The following KIAA1549L variants were observed in gnomAD, a reference collection of about 807,000 sequenced individuals.
KIAA1549L encodes the protein KIAA1549 like, also known as UPF0606 protein KIAA1549L.
Under a neutral mutation model 160.7 loss-of-function variants are expected in KIAA1549L, and 88 were observed. The ratio of observed to expected loss-of-function variants is 0.55; its 90% CI spans 0.46 to 0.65. KIAA1549L has a LOEUF of 0.65. Ranked by LOEUF, KIAA1549L falls within the 30% of genes least tolerant of loss-of-function variation. The pLI is 0.00. For missense variants in KIAA1549L, 2,258 were observed against 2,437.5 expected (o/e 0.93, Z 1.55); for synonymous variants, 950 against 976.7 (o/e 0.97, Z 0.51).
At chr11:33,422,398 G>C (rs751728427) in intron 1 of KIAA1549L, among the ~76,000 whole-genome samples, 90 of 151,974 alleles carry the variant, frequency 5.9e-4, no homozygotes, top group Non-Finnish European at 1.0e-3. Context: ...GCTGCACCAG[G>C]AGTGCTCCCT....
intron 14 of KIAA1549L, among the ~76,000 whole-genome samples, chr11:33,608,713 G>A (rs1447341054): frequency 6.6e-6 from 1 of 152,248 alleles, no homozygotes; most frequent in Non-Finnish European, 1.5e-5. Context: ...AAGAAGGAGA[G>A]CAAATCAGCA....
rs1194353287 is a variant in KIAA1549L, at chr11:33,614,529, A to AGGCTATATATATAT, written c.5280-4004_5280-4003insGGCTATATATATAT. Among the ~76,000 whole-genome samples the AGGCTATATATATAT allele has an allele frequency of 2.0e-4, 8 of 39,140 alleles. 1 individual carries two copies. The highest frequency in any genetic ancestry group is 4.0e-4 in the Non-Finnish European group (7 of 17,308). 25.7% of individuals were successfully genotyped at this position (39,140 alleles called of 152,430 possible). ...TCCTCTTGGGATCTGTGAGTGTAACAAGATATATATATATATATATATATA... is the reference window on the plus strand; with the variant it reads ...TCCTCTTGGGATCTGTGAGTGTAACAGGCTATATATATATAGATATATATATATATATATATATA... On this transcript the variant is annotated intron_variant, in intron 15 of 20. Transcript: ENST00000658780.
chr11:33,419,602 T>G (rs1565128724), intron 1 of KIAA1549L, among the ~76,000 whole-genome samples: 1 of 152,076 alleles, frequency 6.6e-6, no homozygotes. Context: ...TCCCAGCACT[T>G]TGGGAGGCCG....
At chr11:33,385,971 G>T (rs1365295128) in intron 1 of KIAA1549L, among the ~76,000 whole-genome samples, 1 of 152,060 alleles carries the variant, frequency 6.6e-6, no homozygotes, top group African/African-American at 2.4e-5. Flanking sequence ...TTTAGTTCTA[G>T]TAGCTTTTTA....
At chr11:33,575,672 G>A (rs1855421477) in intron 10 of KIAA1549L, among the ~76,000 whole-genome samples, 1 of 152,222 alleles carries the variant, frequency 6.6e-6, no homozygotes, top group Non-Finnish European at 1.5e-5. Context: ...GACACGTGAA[G>A]ATTTCAGCAG....
At chr11:33,575,628 C>G (rs909891152) in intron 10 of KIAA1549L, among the ~76,000 whole-genome samples, 6 of 152,170 alleles carry the variant, frequency 3.9e-5, no homozygotes, top group African/African-American at 1.4e-4. Flanking sequence ...TAATCTAGAT[C>G]TGTCTGACTT....
intron 9 of KIAA1549L, among the ~76,000 whole-genome samples, chr11:33,569,996 C>T (rs905546389): frequency 1.4e-5 from 1 of 69,384 alleles, no homozygotes; most frequent in Non-Finnish European, 3.2e-5. Context: ...CTTTCTCTCT[C>T]TCTCTCTCTC....
chr11:33,577,023 G>A (rs531390191), intron 10 of KIAA1549L, among the ~76,000 whole-genome samples: 2 of 152,334 alleles, frequency 1.3e-5, no homozygotes, highest in Non-Finnish European at 2.9e-5. Flanking sequence ...GAGCCCTGGG[G>A]AATCCACATA....
intron 16 of KIAA1549L, among the ~76,000 whole-genome samples, chr11:33,643,246 T>C (rs1431471133): frequency 6.6e-6 from 1 of 151,994 alleles, no homozygotes; most frequent in Non-Finnish European, 1.5e-5. Context: ...CCAGCAAAGG[T>C]AGCACTTATG....
chr11:33,508,085 C>T (rs1281379592), intron 1 of KIAA1549L, among the ~76,000 whole-genome samples: 2 of 152,198 alleles, frequency 1.3e-5, no homozygotes, highest in Non-Finnish European at 2.9e-5. Context: ...CAAAACAGGT[C>T]TGCTGCACTC....
chr11:33,507,926 G>A (rs1362338980), intron 1 of KIAA1549L, among the ~76,000 whole-genome samples: 1 of 152,174 alleles, frequency 6.6e-6, no homozygotes, highest in African/African-American at 2.4e-5. Flanking sequence ...CTCCATGGGA[G>A]GGCTGAAGAA....
At chr11:33,415,404 A>G (rs757502468) in intron 1 of KIAA1549L, among the ~76,000 whole-genome samples, 20 of 152,176 alleles carry the variant, frequency 1.3e-4, no homozygotes, top group Non-Finnish European at 2.9e-5. Context: ...ATTTGGCTTC[A>G]GAATGTGTCG....
At chr11:33,647,298 C>T (rs1041269979) in intron 17 of KIAA1549L, among the ~76,000 whole-genome samples, 23 of 151,198 alleles carry the variant, frequency 1.5e-4, no homozygotes, top group Non-Finnish European at 2.4e-4. Flanking sequence ...ATTGCTTGAG[C>T]CCAGGAGGCA....
rs768656298 is a variant in KIAA1549L at position 33,606,777 on chromosome 11, C to T, written c.5016C>T (p.Pro1672=). The change falls in exon 14 of 21, where the codon CCC becomes CCT. Residue 1672 remains proline (P), a synonymous_variant. Transcript: ENST00000658780. ...IKPTALPMVP[P]TSDRSQESSA... is the part of the protein sequence containing the mutation. The stretch of plus-strand genomic sequence containing the variant: ...CCACAGCCCTCCCCATGGTGCCCCC[C>T]ACCTCGGACAGGAGCCAGGAGTCAT... 26 of 1,613,028 alleles carry T rather than the reference C, an allele frequency of 1.6e-5. No individual in the cohort carries two copies. Among genetic ancestry groups the T allele is most frequent in the Middle Eastern group, 1.6e-4 (1 of 6,078 alleles).
intron 1 of KIAA1549L, among the ~76,000 whole-genome samples, chr11:33,423,631 G>T (rs887957169): frequency 9.9e-5 from 15 of 152,060 alleles, no homozygotes; most frequent in Admixed American, 9.8e-4. Context: ...CTACTCAATG[G>T]GTGCCAAATT....
intron 1 of KIAA1549L, among the ~76,000 whole-genome samples, chr11:33,447,138 A>G (rs1163468671): frequency 6.6e-6 from 1 of 152,204 alleles, no homozygotes; most frequent in Non-Finnish European, 1.5e-5. Flanking sequence ...AAAGGAAAAG[A>G]TATTCAGCCT....
At chr11:33,465,445 C>T (rs1243780268) in intron 1 of KIAA1549L, among the ~76,000 whole-genome samples, 1 of 152,116 alleles carries the variant, frequency 6.6e-6, no homozygotes, top group African/African-American at 2.4e-5. Context: ...ACTGAGGGTT[C>T]TCATCCTGCA....
At chr11:33,406,654 C>A (rs1210624316) in intron 1 of KIAA1549L, among the ~76,000 whole-genome samples, 1 of 152,236 alleles carries the variant, frequency 6.6e-6, no homozygotes, top group Non-Finnish European at 1.5e-5. Flanking sequence ...CCACTCTGCC[C>A]TGCACTCTTC....
At chr11:33,648,853 C>G (rs1011316321) in intron 17 of KIAA1549L, among the ~76,000 whole-genome samples, 3 of 152,184 alleles carry the variant, frequency 2.0e-5, no homozygotes, top group Admixed American at 6.5e-5. Context: ...ATCTTCCCCA[C>G]TAGACTCTTT....
Sources: allele counts gnomAD v4.1 joint callset (sites outside exome capture counted in the v4.1 genomes callset), GRCh38; gene constraint gnomAD v4.1.1; transcripts MANE v1.5; gene names NCBI Gene and HGNC (gene_info 2026-07-23, HGNC 2026-07-21).